The following PPARGC1B variants were observed in gnomAD, a reference collection of about 807,000 sequenced individuals.
PPARGC1B encodes peroxisome proliferator-activated receptor gamma coactivator 1-beta.
A neutral mutation model predicts 101.6 loss-of-function variants in PPARGC1B; 34 were observed. The ratio of observed to expected loss-of-function variants is 0.33; its 90% CI spans 0.25 to 0.45. The LOEUF is 0.45. PPARGC1B is among the 20% of genes least tolerant of loss of function. The pLI is 1.00. For missense variants in PPARGC1B, 1,234 were observed against 1,317.6 expected (o/e 0.94, Z 0.98); for synonymous variants, 548 against 539.3 (o/e 1.02, Z -0.22).
chr5:149,846,201 A>T, intron 11 of PPARGC1B: 1 of 571,438 alleles, frequency 1.7e-6, no homozygotes, highest in South Asian at 2.5e-5. Flanking sequence ...AGCTGGCAGA[A>T]CCGTGGCTAC....
intron 8 of PPARGC1B, among the ~76,000 whole-genome samples, chr5:149,839,209 A>G (rs1759232709): frequency 6.6e-6 from 1 of 152,176 alleles, no homozygotes; most frequent in Admixed American, 6.5e-5. Context: ...ATCCTCACAA[A>G]TGGCCAAGGG....
At chr5:149,741,670 CA>C (rs1450737680) in intron 1 of PPARGC1B, among the ~76,000 whole-genome samples, 3 of 151,256 alleles carry the variant, frequency 2.0e-5, no homozygotes, top group African/African-American at 7.3e-5. Context: ...CCCTGTTGCC[CA>C]GGCTGGAGTG....
intron 1 of PPARGC1B, among the ~76,000 whole-genome samples, chr5:149,783,943 C>T (rs1756690091): frequency 6.6e-6 from 1 of 152,138 alleles, no homozygotes; most frequent in Admixed American, 6.5e-5. Flanking sequence ...TCTCTGCACA[C>T]ACATGTGTGC....
chr5:149,786,033 C>G (rs1447573157), intron 1 of PPARGC1B, among the ~76,000 whole-genome samples: 1 of 152,060 alleles, frequency 6.6e-6, no homozygotes, highest in African/African-American at 2.4e-5. Flanking sequence ...ATATTCCTGC[C>G]TCTGCCCCCA....
intron 9 of PPARGC1B, among the ~76,000 whole-genome samples, chr5:149,841,240 T>G (rs1181222344): frequency 6.6e-6 from 1 of 152,138 alleles, no homozygotes; most frequent in East Asian, 1.9e-4. Flanking sequence ...AGCTGGGCCC[T>G]GATTGATGAA....
chr5:149,735,939 C>T (rs537857431), intron 1 of PPARGC1B, among the ~76,000 whole-genome samples: 10 of 152,326 alleles, frequency 6.6e-5, no homozygotes, highest in South Asian at 2.1e-4. Flanking sequence ...GCCTGACCAA[C>T]GTGGTGAAAC....
intron 1 of PPARGC1B, among the ~76,000 whole-genome samples, chr5:149,779,640 AG>A (rs938359140): frequency 3.0e-4 from 46 of 152,202 alleles, no homozygotes; most frequent in African/African-American, 1.0e-3. Context: ...AGTCAGCTGG[AG>A]GGGGCAACAG....
At chr5:149,775,524 A>G (rs1370087100) in intron 1 of PPARGC1B, among the ~76,000 whole-genome samples, 1 of 152,194 alleles carries the variant, frequency 6.6e-6, no homozygotes, top group African/African-American at 2.4e-5. Context: ...AGACAGAACG[A>G]ATTCAGTCTC....
At chr5:149,808,378 A>C (rs1561565518) in intron 1 of PPARGC1B, among the ~76,000 whole-genome samples, 1 of 152,024 alleles carries the variant, frequency 6.6e-6, no homozygotes, top group Non-Finnish European at 1.5e-5. Flanking sequence ...CTGAGAGTCA[A>C]GAGAGCAGCT....
At chr5:149,758,584 A>AGGG (rs1454020325) in intron 1 of PPARGC1B, among the ~76,000 whole-genome samples, 2 of 152,208 alleles carry the variant, frequency 1.3e-5, no homozygotes, top group East Asian at 3.8e-4. Context: ...CTCCTGTGTC[A>AGGG]TCATGTGCCC....
intron 1 of PPARGC1B, among the ~76,000 whole-genome samples, chr5:149,818,539 T>A (rs1165919897): frequency 6.6e-6 from 1 of 152,156 alleles, no homozygotes; most frequent in African/African-American, 2.4e-5. Context: ...ATTAAGACAT[T>A]TGACCCAAAT....
chr5:149,816,418 G>A (rs554985006), intron 1 of PPARGC1B, among the ~76,000 whole-genome samples: 2 of 152,238 alleles, frequency 1.3e-5, no homozygotes, highest in South Asian at 4.1e-4. Flanking sequence ...TATTTGCAAA[G>A]TGAAGGAGAT....
intron 1 of PPARGC1B, among the ~76,000 whole-genome samples, chr5:149,806,711 G>A (rs1325516794): frequency 2.6e-5 from 4 of 151,558 alleles, no homozygotes; most frequent in African/African-American, 7.3e-5. Context: ...GGGTTCCAGC[G>A]ATTCTCCCGC....
At chr5:149,801,085 G>C (rs954303405) in intron 1 of PPARGC1B, among the ~76,000 whole-genome samples, 1 of 152,230 alleles carries the variant, frequency 6.6e-6, no homozygotes. Flanking sequence ...AGGAGAGAGA[G>C]AGCAGGACCT....
Position 149,847,874 on chromosome 5 carries a change from T to C in PPARGC1B, c.*316T>C. 2 of 369,732 alleles carry C rather than the reference T, an allele frequency of 5.4e-6. No homozygotes were observed. Among genetic ancestry groups the C allele is most frequent in the East Asian group, 4.8e-5 (1 of 20,876 alleles). The allele number at this position is 369,732 out of a possible 1,614,324, so 22.9% of individuals were successfully genotyped here. On this transcript the variant is annotated 3_prime_UTR_variant, in exon 12 of 12. Coordinates refer to ENST00000309241, the MANE Select transcript of PPARGC1B (RefSeq NM_133263.4). ...CATCGCCCCTTCCTTCCCGACTGACTTCCTCTCGTAGACTTGCAGCTGTGT... is the reference window on the plus strand; with the variant it reads ...CATCGCCCCTTCCTTCCCGACTGACCTCCTCTCGTAGACTTGCAGCTGTGT...
rs149062895 is a variant in PPARGC1B at position 149,780,746 on chromosome 5, CAG to C, written c.79-39685_79-39684del. The stretch of plus-strand genomic sequence containing the variant: ...CAAACAGATATGCTCTCAGAGAAAA[CAG>C]AATCAAAAGCAGGATGACTGTAAAG... On this transcript the variant is annotated intron_variant, in intron 1 of 11. Transcript: ENST00000309241. Among the ~76,000 whole-genome samples the C allele has an allele frequency of 4.4e-3, 663 of 152,304 alleles. 8 individuals carry two copies. The highest frequency in any genetic ancestry group is 0.015 in the African/African-American group (615 of 41,578).
chr5:149,806,033 T>C (rs973906529), intron 1 of PPARGC1B, among the ~76,000 whole-genome samples: 1 of 152,082 alleles, frequency 6.6e-6, no homozygotes, highest in African/African-American at 2.4e-5. Context: ...GGCCTGGTCA[T>C]GTGTTGGCTG....
intron 10 of PPARGC1B, among the ~76,000 whole-genome samples, chr5:149,844,590 G>A (rs549496799): frequency 6.6e-6 from 1 of 152,344 alleles, no homozygotes; most frequent in South Asian, 2.1e-4. Context: ...AGTGAGCTGG[G>A]ATTGCGACCA....
intron 1 of PPARGC1B, among the ~76,000 whole-genome samples, chr5:149,756,833 G>T (rs1755540029): frequency 6.6e-6 from 1 of 152,236 alleles, no homozygotes; most frequent in Non-Finnish European, 1.5e-5. Context: ...CTTGACTAGG[G>T]GTGTGGTATG....
Sources: allele counts gnomAD v4.1 joint callset (sites outside exome capture counted in the v4.1 genomes callset), GRCh38; gene constraint gnomAD v4.1.1; transcripts MANE v1.5; gene names NCBI Gene and HGNC (gene_info 2026-07-23, HGNC 2026-07-21).